The following PLXNA2 variants were observed in gnomAD, a reference collection of about 807,000 sequenced individuals.
PLXNA2 encodes plexin-A2.
PLXNA2 carries 91 observed loss-of-function variants against 193.5 expected under a neutral mutation model. That is an observed-to-expected ratio of 0.47 (90% CI 0.40 to 0.56). PLXNA2 has a LOEUF of 0.56. PLXNA2 is among the 20% of genes least tolerant of loss of function. The pLI, the probability that PLXNA2 is intolerant of heterozygous loss-of-function variation, is 0.00. For synonymous variants in PLXNA2, 997 were observed against 1,027.3 expected, an observed-to-expected ratio of 0.97 and a Z score of 0.56; for missense variants, 1,995 against 2,503.2, an observed-to-expected ratio of 0.80 and a Z score of 4.33.
intron 4 of PLXNA2, among the ~76,000 whole-genome samples, chr1:208,130,203 G>A (rs552618678): frequency 2.0e-5 from 3 of 152,286 alleles, no homozygotes; most frequent in East Asian, 3.9e-4. Flanking sequence ...TGGAGATTGC[G>A]GCTGAAAAGC....
At chr1:208,047,906 T>G (rs1665131511) in intron 17 of PLXNA2, among the ~76,000 whole-genome samples, 1 of 152,176 alleles carries the variant, frequency 6.6e-6, no homozygotes, top group African/African-American at 2.4e-5. Context: ...CTGCCCTTTT[T>G]GTGGTGCAAT....
chr1:208,089,629 A>C (rs899835693), intron 9 of PLXNA2, among the ~76,000 whole-genome samples: 1 of 152,236 alleles, frequency 6.6e-6, no homozygotes, highest in Non-Finnish European at 1.5e-5. Context: ...GCACACTTTG[A>C]GAACTCCTGG....
chr1:208,163,392 G>A (rs558638058), intron 3 of PLXNA2, among the ~76,000 whole-genome samples: 98 of 152,164 alleles, frequency 6.4e-4, no homozygotes, highest in Non-Finnish European at 1.2e-3. Flanking sequence ...GGGGGAGGGA[G>A]GTGGAAAGGA....
At chr1:208,192,868 C>T (rs1029650753) in intron 3 of PLXNA2, among the ~76,000 whole-genome samples, 1 of 139,816 alleles carries the variant, frequency 7.2e-6, no homozygotes, top group Non-Finnish European at 1.5e-5. Flanking sequence ...GCCTGGGCAA[C>T]AAGAGCAAAG....
chr1:208,041,156 T>C (rs745640049), intron 22 of PLXNA2, among the ~76,000 whole-genome samples: 16 of 152,224 alleles, frequency 1.1e-4, no homozygotes, highest in Non-Finnish European at 1.6e-4. Context: ...TGAGAGTTTC[T>C]AATGCTCAGA....
At chr1:208,213,770 G>A (rs776244132) in intron 2 of PLXNA2, among the ~76,000 whole-genome samples, 1 of 152,064 alleles carries the variant, frequency 6.6e-6, no homozygotes, top group Non-Finnish European at 1.5e-5. Flanking sequence ...GTCTTTAAGG[G>A]GCCATTCCTC....
chr1:208,031,175 C>T, intron 29 of PLXNA2: 5 of 1,023,072 alleles, frequency 4.9e-6, no homozygotes, highest in Non-Finnish European at 4.7e-6. Flanking sequence ...TCAGGAAGTG[C>T]CTTAGAACTG....
intron 3 of PLXNA2, among the ~76,000 whole-genome samples, chr1:208,152,683 G>GCGCACA (rs1180715861): frequency 2.6e-4 from 36 of 140,362 alleles, no homozygotes; most frequent in African/African-American, 9.2e-4. Flanking sequence ...ACACACACAC[G>GCGCACA]CACACACACA....
chr1:208,205,098 T>C (rs935090176), intron 3 of PLXNA2, among the ~76,000 whole-genome samples: 2 of 152,230 alleles, frequency 1.3e-5, no homozygotes, highest in Non-Finnish European at 2.9e-5. Flanking sequence ...TAACCCAAGA[T>C]AGTCCTTCCT....
chr1:208,027,988 C>A, intron 31 of PLXNA2, 21 bp downstream of exon 31: 1 of 1,530,558 alleles, frequency 6.5e-7, no homozygotes, highest in Admixed American at 2.0e-5. Context: ...GGTTTCTGTC[C>A]CTGCTGGGGC....
At chr1:208,037,922 C>A (rs951080053) in intron 26 of PLXNA2, among the ~76,000 whole-genome samples, 2 of 152,150 alleles carry the variant, frequency 1.3e-5, no homozygotes, top group East Asian at 3.8e-4. Flanking sequence ...AATGTAAGAC[C>A]TGAAGAGAAG....
At chr1:208,113,861 T>C (rs1235839524) in intron 4 of PLXNA2, among the ~76,000 whole-genome samples, 1 of 152,110 alleles carries the variant, frequency 6.6e-6, no homozygotes, top group Non-Finnish European at 1.5e-5. Context: ...CAGCCCCAAA[T>C]GGCCTTTTTT....
chr1:208,071,631 G>A (rs12410941), intron 12 of PLXNA2, among the ~76,000 whole-genome samples: 36,281 of 152,174 alleles, frequency 0.24, 4,447 homozygotes, highest in Admixed American at 0.3. Context: ...CCTGCCCGGC[G>A]TGAATCCTTG....
At chr1:208,060,002 C>T (rs1316141537) in intron 13 of PLXNA2, among the ~76,000 whole-genome samples, 1 of 152,130 alleles carries the variant, frequency 6.6e-6, no homozygotes, top group African/African-American at 2.4e-5. Flanking sequence ...AATGGTTTGA[C>T]CCAACTTCCC....
At chr1:208,143,453 T>C (rs1167904490) in intron 3 of PLXNA2, among the ~76,000 whole-genome samples, 2 of 152,226 alleles carry the variant, frequency 1.3e-5, no homozygotes, top group African/African-American at 4.8e-5. Flanking sequence ...TGAAAAGTAC[T>C]ATCTAGGCCC....
chr1:208,157,153 A>G lies in PLXNA2; in HGVS notation c.1372-14690T>C, dbSNP rs61331315. 4.5e-3 allele frequency among the ~76,000 whole-genome samples: 679 copies of G among 152,332 alleles called. 6 individuals carry two copies. The highest frequency in any genetic ancestry group is 0.014 in the African/African-American group (593 of 41,580). On this transcript the variant is annotated intron_variant, in intron 3 of 31. Coordinates refer to ENST00000367033, the MANE Select transcript of PLXNA2 (RefSeq NM_025179.4). ...AAGTAGGGACACTGCCTTCTCTCAA[A>G]GTGTAAAGATTTCTTGCTCATTTCA...
intron 13 of PLXNA2, 65 bp downstream of exon 13, chr1:208,060,621 G>A: frequency 2.7e-6 from 4 of 1,463,530 alleles, no homozygotes; most frequent in Non-Finnish European, 3.7e-6. Flanking sequence ...GGAAGGGAGA[G>A]GGGAGAGTCT....
intron 2 of PLXNA2, among the ~76,000 whole-genome samples, chr1:208,213,384 C>T (rs1671024679): frequency 6.6e-6 from 1 of 152,182 alleles, no homozygotes; most frequent in East Asian, 1.9e-4. Context: ...GAACTAAATT[C>T]AAATCCCCGC....
At chr1:208,184,345 A>G (rs1439410949) in intron 3 of PLXNA2, among the ~76,000 whole-genome samples, 4 of 152,122 alleles carry the variant, frequency 2.6e-5, no homozygotes, top group African/African-American at 7.2e-5. Flanking sequence ...TGTCTGTAGC[A>G]AAAGAGGAAT....
Sources: allele counts gnomAD v4.1 joint callset (sites outside exome capture counted in the v4.1 genomes callset), GRCh38; gene constraint gnomAD v4.1.1; transcripts MANE v1.5; gene names NCBI Gene and HGNC (gene_info 2026-07-23, HGNC 2026-07-21).